HDAC9: variants seen among roughly 807,000 people sequenced by gnomAD.
HDAC9 encodes the protein histone deacetylase 9.
HDAC9 carries 41 observed loss-of-function variants against 139.4 expected under a neutral mutation model. That is an observed-to-expected ratio of 0.29 (90% CI 0.23 to 0.38). The LOEUF is 0.38. Among genes scored for constraint, HDAC9 ranks in the 10% least tolerant of loss-of-function variants. The pLI is 1.00. For synonymous variants in HDAC9, 517 were observed against 476.2 expected, an observed-to-expected ratio of 1.09 and a Z score of -1.12; for missense variants, 1,147 against 1,297.0, an observed-to-expected ratio of 0.88 and a Z score of 1.78.
At chr7:18,352,869 T>G (rs1232700276) in intron 1 of HDAC9, among the ~76,000 whole-genome samples, 2 of 152,162 alleles carry the variant, frequency 1.3e-5, no homozygotes, top group Non-Finnish European at 2.9e-5. Flanking sequence ...AATCTGTATC[T>G]TCTAAGAAAA....
intron 2 of HDAC9, chr7:18,496,636 T>G (rs2128140870): frequency 3.2e-6 from 1 of 308,424 alleles, no homozygotes; most frequent in Admixed American, 4.6e-5. Flanking sequence ...AAAGGAGCTG[T>G]GTACTGATTG....
intron 2 of HDAC9, among the ~76,000 whole-genome samples, chr7:18,189,033 C>G (rs928977371): frequency 3.3e-5 from 5 of 152,108 alleles, no homozygotes; most frequent in African/African-American, 1.2e-4. Context: ...GCTATAAAGA[C>G]AAATGTACAT....
Position 18,666,287 on chromosome 7 carries a change from G to A in HDAC9, c.1542G>A (p.Gly514=), listed in dbSNP as rs753090350. The change falls in exon 12 of 26, where the codon GGG becomes GGA. Residue 514 remains glycine, a synonymous_variant. Coordinates refer to ENST00000686413, the MANE Select transcript of HDAC9 (RefSeq NM_178425.4). ...AGGAAGCAGAGGAAGAGCTTCAGGG[G>A]GACCAGGCGATGCAGGAAGACAGAG... ...HLEEAEEELQ[G]DQAMQEDRAP... The A allele has an allele frequency of 3.7e-5, 59 of 1,613,330 alleles. 2 individuals are homozygous for A. The South Asian group carries it at 6.5e-4, about 18-fold the overall frequency.
At chr7:18,724,372 C>A (rs1176510688) in intron 12 of HDAC9, among the ~76,000 whole-genome samples, 1 of 152,090 alleles carries the variant, frequency 6.6e-6, no homozygotes, top group Non-Finnish European at 1.5e-5. Flanking sequence ...ATACTGAATA[C>A]TGTAGGCAAT....
intron 1 of HDAC9, among the ~76,000 whole-genome samples, chr7:18,417,098 C>T (rs770471610): frequency 2.0e-5 from 3 of 152,122 alleles, no homozygotes; most frequent in Non-Finnish European, 4.4e-5. Flanking sequence ...AAAGCTATCC[C>T]AGGGCCCACT....
Position 18,364,551 on chromosome 7 carries a change from A to G in HDAC9, c.-42+74036A>G, listed in dbSNP as rs142934020. 3.4e-4 allele frequency among the ~76,000 whole-genome samples: 52 copies of G among 152,142 alleles called. No individual in the cohort carries two copies. In the Middle Eastern group the frequency reaches 0.01, roughly 30 times the overall value. The stretch of plus-strand genomic sequence containing the variant: ...ATAGAGAATTTTCTATACCTTTGCT[A>G]CTCAGAATGGCTCCTGGACCAGCAG... On this transcript the variant is annotated intron_variant, in intron 1 of 3. Transcript: ENST00000413509.
chr7:18,481,573 T>C (rs866747650), intron 1 of HDAC9, among the ~76,000 whole-genome samples: 26 of 152,344 alleles, frequency 1.7e-4, no homozygotes, highest in Middle Eastern at 3.4e-3. Context: ...TTGTCTTCAG[T>C]AGTCAGATTG....
At chr7:18,994,255 G>T (rs1160491991) in intron 25 of HDAC9, among the ~76,000 whole-genome samples, 4 of 152,092 alleles carry the variant, frequency 2.6e-5, no homozygotes, top group Non-Finnish European at 4.4e-5. Flanking sequence ...GGAAAAATCG[G>T]TCTCCATTAG....
At chr7:18,455,374 T>A (rs1793248361) in intron 1 of HDAC9, among the ~76,000 whole-genome samples, 1 of 152,196 alleles carries the variant, frequency 6.6e-6, no homozygotes, top group Non-Finnish European at 1.5e-5. Flanking sequence ...TCTCATTTTT[T>A]TGTGTAATTT....
intron 21 of HDAC9, among the ~76,000 whole-genome samples, chr7:18,859,937 C>T (rs150861482): frequency 6.8e-6 from 1 of 146,278 alleles, no homozygotes; most frequent in Non-Finnish European, 1.5e-5. Flanking sequence ...AGTCCTTTGG[C>T]TTTATGCAAT....
intron 6 of HDAC9, among the ~76,000 whole-genome samples, chr7:18,606,244 TGTG>T (rs904646719): frequency 4.7e-4 from 71 of 152,204 alleles, no homozygotes; most frequent in African/African-American, 1.7e-3. Flanking sequence ...GCTTTTTACT[TGTG>T]GTGAGGTTGG....
intron 16 of HDAC9, among the ~76,000 whole-genome samples, chr7:18,776,759 G>C (rs1476425949): frequency 4.0e-5 from 6 of 151,892 alleles, no homozygotes; most frequent in Admixed American, 3.3e-4. Context: ...TGTGGTGACT[G>C]ACTTAAAGAG....
intron 1 of HDAC9, among the ~76,000 whole-genome samples, chr7:18,438,982 T>C (rs1253378171): frequency 2.0e-5 from 3 of 152,194 alleles, no homozygotes; most frequent in Admixed American, 6.5e-5. Context: ...TACAAAACAA[T>C]GTGTGTGCAT....
rs934311913 is a variant in HDAC9 at position 18,218,610 on chromosome 7, C to A, written c.25+56261C>A. Among the ~76,000 whole-genome samples, 10 of 152,240 alleles carry A rather than the reference C, an allele frequency of 6.6e-5. No individual in the cohort carries two copies. In the South Asian group the frequency reaches 2.1e-3, roughly 32 times the overall value. ...TTGGGCCATCTTGAAAGCTATCCAC[C>A]ACACACAGAAGGACATAGAAGTTAC... On this transcript the variant is annotated intron_variant, in intron 2 of 12. Coordinates refer to the HDAC9 transcript ENST00000417496.
intron 21 of HDAC9, among the ~76,000 whole-genome samples, chr7:18,842,494 T>C (rs572746198): frequency 6.6e-5 from 10 of 152,120 alleles, no homozygotes; most frequent in Admixed American, 2.0e-4. Context: ...GCAATACATA[T>C]GAATTTATTG....
At chr7:18,779,982 C>A (rs3901892) in intron 16 of HDAC9, among the ~76,000 whole-genome samples, 1 of 151,874 alleles carries the variant, frequency 6.6e-6, no homozygotes, top group African/African-American at 2.4e-5. Context: ...TTAGGAACTC[C>A]GGAATCTGGA....
At chr7:18,589,213 C>G (rs1830281111) in intron 3 of HDAC9, among the ~76,000 whole-genome samples, 1 of 152,036 alleles carries the variant, frequency 6.6e-6, no homozygotes, top group African/African-American at 2.4e-5. Flanking sequence ...AAATAGACAT[C>G]TCAAGATGGC....
intron 1 of HDAC9, among the ~76,000 whole-genome samples, chr7:18,142,897 G>A (rs1786015754): frequency 6.6e-6 from 1 of 152,190 alleles, no homozygotes; most frequent in African/African-American, 2.4e-5. Context: ...ATATGATGCT[G>A]AGGGAGCCTC....
chr7:18,728,538 C>T (rs141818888), intron 13 of HDAC9, among the ~76,000 whole-genome samples: 28 of 152,116 alleles, frequency 1.8e-4, no homozygotes, highest in African/African-American at 5.3e-4. Flanking sequence ...ATTCTAGTTC[C>T]GTGTTCTCAA....
Sources: gnomAD v4.1 joint callset for allele counts (sites outside exome capture counted in the v4.1 genomes callset) on GRCh38, gnomAD v4.1.1 for gene constraint, MANE v1.5 for transcripts, NCBI Gene and HGNC (gene_info 2026-07-23, HGNC 2026-07-21) for gene names.